ROR2: variants seen among roughly 807,000 people sequenced by gnomAD.
The protein encoded by ROR2 is ROR family WNT receptor 2, also known as tyrosine-protein kinase transmembrane receptor ROR2.
In ROR2, 33 loss-of-function variants were observed where a neutral mutation model predicts 74.9. The observed-to-expected ratio is 0.44, with a 90% CI of 0.33 to 0.59. The LOEUF (loss-of-function observed/expected upper bound fraction) is 0.59. Among genes scored for constraint, ROR2 ranks in the 20% least tolerant of loss-of-function variants. The pLI is 0.02. For synonymous variants in ROR2, 586 were observed against 558.7 expected, an observed-to-expected ratio of 1.05 and a Z score of -0.69; for missense variants, 1,216 against 1,313.8, an observed-to-expected ratio of 0.93 and a Z score of 1.15.
Position 91,731,011 on chromosome 9 carries a change from C to A in ROR2, c.1082G>T (p.Gly361Val). ...SSTDFPELGG[G>V]HAYCRNPGGQ... ...TCCGGGGTTCCGGCAGTAGGCGTGCCCCCCTCCAAGCTCAGGGAAGTCTGT... is the reference window on the plus strand; with the variant it reads ...TCCGGGGTTCCGGCAGTAGGCGTGCACCCCTCCAAGCTCAGGGAAGTCTGT... The change falls in exon 7 of 9, where the codon GGG (glycine) becomes GTG (valine). Residue 361 changes from glycine to valine, a missense_variant. Coordinates refer to ENST00000375708, the MANE Select transcript of ROR2 (RefSeq NM_004560.4). The A allele has an allele frequency of 6.2e-7, 1 of 1,614,136 alleles. No individual in the cohort carries two copies.
intron 1 of ROR2, among the ~76,000 whole-genome samples, chr9:91,782,956 A>G (rs1247899522): frequency 6.6e-6 from 1 of 152,224 alleles, no homozygotes; most frequent in African/African-American, 2.4e-5. Context: ...GGGGCAGCCT[A>G]AACAATGGAA....
chr9:91,726,595 C>G lies in ROR2; in HGVS notation c.1332G>C (p.Leu444=). The change falls in exon 8 of 9, where the codon CTG becomes CTC. Residue 444 remains leucine, a synonymous_variant. Coordinates refer to ENST00000375708, the MANE Select transcript of ROR2 (RefSeq NM_004560.4). ...CCATGTCTTGGCTGGGCGAGGCCAT[C>G]AGCTGTCGCCGCTGCGGTGTGGACG... is the stretch of plus-strand genomic sequence containing the variant. ...ASASTPQRRQ[L]MASPSQDMEM... is the part of the protein sequence containing the mutation. 1 of 1,613,724 alleles carries G rather than the reference C, an allele frequency of 6.2e-7. No homozygotes were observed. The highest frequency in any genetic ancestry group is 8.5e-7 in the Non-Finnish European group (1 of 1,180,026).
intron 1 of ROR2, among the ~76,000 whole-genome samples, chr9:91,832,613 A>G (rs1828494763): frequency 2.6e-5 from 4 of 152,074 alleles, no homozygotes. Context: ...AGAAAGAGGA[A>G]ACTCCCACCA....
At chr9:91,889,708 A>C (rs1024409291) in intron 1 of ROR2, among the ~76,000 whole-genome samples, 2 of 152,202 alleles carry the variant, frequency 1.3e-5, no homozygotes, top group African/African-American at 4.8e-5. Context: ...AAACTGGGCC[A>C]AGGACCTGGC....
At chr9:91,806,181 A>G (rs1404796952) in intron 1 of ROR2, among the ~76,000 whole-genome samples, 1 of 152,238 alleles carries the variant, frequency 6.6e-6, no homozygotes, top group Non-Finnish European at 1.5e-5. Context: ...CTCTAACAGC[A>G]TACCATAGAC....
chr9:91,762,446 ATT>A (rs1220940481), intron 2 of ROR2, among the ~76,000 whole-genome samples: 1 of 152,198 alleles, frequency 6.6e-6, no homozygotes, highest in Non-Finnish European at 1.5e-5. Context: ...TTTTTGCCTA[ATT>A]GTTTTTTCAA....
At chr9:91,934,201 C>T (rs554811231) in intron 1 of ROR2, among the ~76,000 whole-genome samples, 30 of 152,162 alleles carry the variant, frequency 2.0e-4, no homozygotes, top group African/African-American at 7.2e-4. Context: ...ACATGTGTTA[C>T]TAGATTTTTA....
At chr9:91,867,897 C>G (rs563381721) in intron 1 of ROR2, among the ~76,000 whole-genome samples, 1 of 152,112 alleles carries the variant, frequency 6.6e-6, no homozygotes, top group Non-Finnish European at 1.5e-5. Context: ...AGACTGACTG[C>G]CCGTAAAACA....
At chr9:91,897,543 C>A (rs1432052978) in intron 1 of ROR2, among the ~76,000 whole-genome samples, 1 of 149,288 alleles carries the variant, frequency 6.7e-6, no homozygotes, top group East Asian at 2.0e-4. Context: ...ATGCTCTGAC[C>A]AAAGAACAGG....
intron 1 of ROR2, among the ~76,000 whole-genome samples, chr9:91,865,521 C>T (rs1829604875): frequency 6.6e-6 from 1 of 152,186 alleles, no homozygotes; most frequent in South Asian, 2.1e-4. Flanking sequence ...TTTAAAAGCA[C>T]ACCAAGTAAT....
At chr9:91,914,235 G>T (rs1317334040) in intron 1 of ROR2, among the ~76,000 whole-genome samples, 7 of 152,142 alleles carry the variant, frequency 4.6e-5, no homozygotes, top group Non-Finnish European at 1.0e-4. Flanking sequence ...TCACTTGGTT[G>T]ATAGCTTATT....
chr9:91,916,101 C>G (rs1242042151), intron 1 of ROR2, among the ~76,000 whole-genome samples: 1 of 152,216 alleles, frequency 6.6e-6, no homozygotes, highest in African/African-American at 2.4e-5. Flanking sequence ...TTGGCTGTAA[C>G]TCATTCCACG....
At chr9:91,947,446 T>C (rs781381537) in intron 1 of ROR2, among the ~76,000 whole-genome samples, 5 of 152,260 alleles carry the variant, frequency 3.3e-5, no homozygotes, top group East Asian at 3.8e-4. Flanking sequence ...AAAAATATGT[T>C]GCCTTACTAT....
rs374208934 is a variant in ROR2, at chr9:91,835,088, ACCCCTGCAGACACAG to A, written c.98-59285_98-59271del. On this transcript the variant is annotated intron_variant, in intron 1 of 8. Coordinates refer to ENST00000375708, the MANE Select transcript of ROR2 (RefSeq NM_004560.4). ...GATGGAGCTGAAGATGCCTAAAGAG[ACCCCTGCAGACACAG>A]CCCCTGCAGACACAGCCCCTGCAGT... is the stretch of plus-strand genomic sequence containing the variant. Among the ~76,000 whole-genome samples, 927 of 151,526 alleles carry A rather than the reference ACCCCTGCAGACACAG, an allele frequency of 6.1e-3. 11 individuals carry two copies. Among genetic ancestry groups the A allele is most frequent in the African/African-American group, 0.019 (799 of 41,114 alleles).
intron 1 of ROR2, among the ~76,000 whole-genome samples, chr9:91,907,402 C>G (rs931524374): frequency 3.9e-5 from 6 of 152,174 alleles, no homozygotes; most frequent in African/African-American, 1.4e-4. Flanking sequence ...GAAGCACTGC[C>G]TCTCCTGAGT....
intron 1 of ROR2, among the ~76,000 whole-genome samples, chr9:91,888,119 AT>A (rs1275689337): frequency 6.6e-6 from 1 of 152,010 alleles, no homozygotes; most frequent in Non-Finnish European, 1.5e-5. Flanking sequence ...AACACTTCGT[AT>A]TGTCAGACTT....
At chr9:91,904,046 TTTTTTG>T (rs1451564087) in intron 1 of ROR2, among the ~76,000 whole-genome samples, 6 of 129,424 alleles carry the variant, frequency 4.6e-5, no homozygotes, top group African/African-American at 1.7e-4. Flanking sequence ...GTTTTTGTTT[TTTTTTG>T]GGGGGGGGGA....
chr9:91,851,971 G>A (rs1829110539), intron 1 of ROR2, among the ~76,000 whole-genome samples: 1 of 110,136 alleles, frequency 9.1e-6, no homozygotes, highest in Non-Finnish European at 1.7e-5. Flanking sequence ...GCAAGACTCT[G>A]TTAAAAAAAA....
intron 1 of ROR2, among the ~76,000 whole-genome samples, chr9:91,880,658 A>G (rs1200232719): frequency 6.6e-6 from 1 of 152,238 alleles, no homozygotes; most frequent in Non-Finnish European, 1.5e-5. Context: ...CCATTCAAAA[A>G]CAGCACTGAA....
Sources: gnomAD v4.1 joint callset for allele counts (sites outside exome capture counted in the v4.1 genomes callset) on GRCh38, gnomAD v4.1.1 for gene constraint, MANE v1.5 for transcripts, NCBI Gene and HGNC (gene_info 2026-07-23, HGNC 2026-07-21) for gene names.